The following SH3GLB1 variants were observed in gnomAD, a reference collection of about 807,000 sequenced individuals.
SH3GLB1 encodes the protein SH3 domain containing GRB2 like, endophilin B1, also known as endophilin-B1.
Under a neutral mutation model 42.0 loss-of-function variants are expected in SH3GLB1, and 17 were observed. The ratio of observed to expected loss-of-function variants is 0.40; its 90% CI spans 0.28 to 0.61. SH3GLB1 has a LOEUF of 0.61. Among genes scored for constraint, SH3GLB1 ranks in the 20% least tolerant of loss-of-function variants. The probability of loss-of-function intolerance (pLI) is 0.36; values close to 1 mark genes in which losing one functional copy is unlikely to be tolerated. For missense variants in SH3GLB1, 355 were observed against 426.3 expected (o/e 0.83, Z 1.47); for synonymous variants, 132 against 146.6 (o/e 0.90, Z 0.72).
intron 4 of SH3GLB1, among the ~76,000 whole-genome samples, chr1:86,723,509 A>G (rs1174366464): frequency 6.6e-6 from 1 of 152,138 alleles, no homozygotes. Context: ...GTGAGACTCC[A>G]TCTCAAAAAA....
In SH3GLB1 at chr1:86,704,988, G is replaced by A. The variant is rs1653742612; in HGVS notation, c.72+17G>A. On this transcript the variant is annotated intron_variant, in intron 1 of 8. Coordinates refer to ENST00000370558, the MANE Select transcript of SH3GLB1 (RefSeq NM_016009.5). ...GCCGTGCAGGTACCCTGGTGCTGGG[G>A]GGAAAAGGGGTGGCGGCGCCCGGGA... 6 of 1,547,494 alleles carry A rather than the reference G, an allele frequency of 3.9e-6. No homozygotes were observed. The highest frequency in any genetic ancestry group is 5.2e-6 in the Non-Finnish European group (6 of 1,143,806).
intron 2 of SH3GLB1, among the ~76,000 whole-genome samples, chr1:86,717,262 T>TC (rs1231724934): frequency 2.6e-5 from 4 of 152,224 alleles, no homozygotes; most frequent in Non-Finnish European, 5.9e-5. Context: ...TAGACATTTT[T>TC]CCCCTTGTTC....
intron 7 of SH3GLB1, among the ~76,000 whole-genome samples, chr1:86,739,681 A>G (rs1655963347): frequency 6.6e-6 from 1 of 151,954 alleles, no homozygotes; most frequent in African/African-American, 2.4e-5. Context: ...AAGATAGGAG[A>G]AATAAGGGCA....
At chr1:86,724,909 A>C (rs1343859799) in intron 5 of SH3GLB1, among the ~76,000 whole-genome samples, 1 of 136,962 alleles carries the variant, frequency 7.3e-6, no homozygotes, top group Non-Finnish European at 1.5e-5. Flanking sequence ...ATATATATAT[A>C]TATAAAATAT....
At chr1:86,731,938 G>A (rs552177178) in intron 5 of SH3GLB1, among the ~76,000 whole-genome samples, 2 of 152,050 alleles carry the variant, frequency 1.3e-5, no homozygotes, top group Non-Finnish European at 2.9e-5. Context: ...AATTAGCCAG[G>A]CATGGTGTCC....
At chr1:86,735,053 G>T in intron 6 of SH3GLB1, 26 bp from the exon 7 acceptor site, 1 of 1,566,908 alleles carries the variant, frequency 6.4e-7, no homozygotes, top group South Asian at 1.1e-5. Flanking sequence ...ATACAGCTAA[G>T]AACTAACTAT....
intron 1 of SH3GLB1, among the ~76,000 whole-genome samples, chr1:86,714,083 G>A (rs982051758): frequency 7.2e-5 from 11 of 152,158 alleles, no homozygotes; most frequent in Non-Finnish European, 1.6e-4. Flanking sequence ...TTTTTAAGGG[G>A]CTAAGTGAAT....
At chr1:86,723,121 A>G (rs1654960666) in intron 4 of SH3GLB1, among the ~76,000 whole-genome samples, 1 of 152,212 alleles carries the variant, frequency 6.6e-6, no homozygotes. Context: ...ATTACAATAT[A>G]TTATAGAAAC....
At chr1:86,714,061 A>G (rs545222540) in intron 1 of SH3GLB1, among the ~76,000 whole-genome samples, 41 of 152,232 alleles carry the variant, frequency 2.7e-4, no homozygotes, top group Non-Finnish European at 4.9e-4. Flanking sequence ...AAATTTATGC[A>G]TGCAGTTTCA....
intron 1 of SH3GLB1, among the ~76,000 whole-genome samples, chr1:86,713,871 T>G (rs1440002009): frequency 1.3e-5 from 2 of 152,260 alleles, no homozygotes; most frequent in East Asian, 3.8e-4. Context: ...TATTTATCTA[T>G]TGTCTGTCTT....
chr1:86,727,368 A>G (rs1401845495), intron 5 of SH3GLB1, among the ~76,000 whole-genome samples: 1 of 152,042 alleles, frequency 6.6e-6, no homozygotes, highest in Non-Finnish European at 1.5e-5. Context: ...TTTGAAAAAT[A>G]GATTGTGTAT....
At chr1:86,717,351 C>A (rs996662880) in intron 2 of SH3GLB1, among the ~76,000 whole-genome samples, 8 of 152,202 alleles carry the variant, frequency 5.3e-5, no homozygotes, top group Non-Finnish European at 8.8e-5. Context: ...TCCTCCTGCC[C>A]CTGTTTTGTG....
chr1:86,711,398 G>T (rs888104905), intron 1 of SH3GLB1, among the ~76,000 whole-genome samples: 2 of 151,512 alleles, frequency 1.3e-5, no homozygotes, highest in African/African-American at 2.4e-5. Flanking sequence ...ATATAAAAGG[G>T]GATTAAACTT....
chr1:86,719,720 G>A, intron 3 of SH3GLB1, 85 bp downstream of exon 3: 1 of 1,405,294 alleles, frequency 7.1e-7, no homozygotes, highest in Non-Finnish European at 9.7e-7. Flanking sequence ...AGTAGGCCGG[G>A]TGCAGTGGCT....
At chr1:86,718,619 A>G (rs1000167237) in intron 2 of SH3GLB1, among the ~76,000 whole-genome samples, 4 of 152,176 alleles carry the variant, frequency 2.6e-5, no homozygotes, top group Non-Finnish European at 4.4e-5. Flanking sequence ...GTAGGAATCT[A>G]TGTGAGGTAC....
At chr1:86,719,848 T>C (rs932277991) in intron 3 of SH3GLB1, among the ~76,000 whole-genome samples, 4 of 151,746 alleles carry the variant, frequency 2.6e-5, no homozygotes, top group African/African-American at 7.3e-5. Context: ...AACAAAAAAT[T>C]AGCTGGGTGT....
In SH3GLB1 at chr1:86,719,496, C is replaced by A. The variant is rs767586951; in HGVS notation, c.215-11C>A. On this transcript the variant is annotated splice_polypyrimidine_tract_variant and intron_variant, in intron 2 of 8. Coordinates refer to ENST00000370558, the MANE Select transcript of SH3GLB1 (RefSeq NM_016009.5). Reference sequence around the variant, plus strand: ...TTTAGAAATCATTGGTAATTTTAACCTTTCTCCTAGATGCCAGGATAGAAG... The same window carrying A: ...TTTAGAAATCATTGGTAATTTTAACATTTCTCCTAGATGCCAGGATAGAAG... The A allele has an allele frequency of 6.3e-7, 1 of 1,591,226 alleles. No homozygotes were observed. Among genetic ancestry groups the A allele is most frequent in the East Asian group, 2.3e-5 (1 of 43,996 alleles).
Position 86,715,840 on chromosome 1 carries a change from T to C in SH3GLB1, c.189T>C (p.Thr63=). ...KIWTEKIMKQ[T]EVLLQPNPNA... is the part of the protein sequence containing the mutation. ...GGACAGAAAAAATAATGAAACAAAC[T>C]GAAGTGTTATTGCAGCCAAATCCAA... The change falls in exon 2 of 9, where the codon ACT becomes ACC. Residue 63 remains threonine, a synonymous_variant. Transcript: ENST00000370558. 2.5e-6 allele frequency: 4 copies of C among 1,611,768 alleles called. No homozygotes were observed. Among genetic ancestry groups the C allele is most frequent in the Non-Finnish European group, 3.4e-6 (4 of 1,179,504 alleles).
chr1:86,722,069 C>A (rs1654894467), intron 3 of SH3GLB1, among the ~76,000 whole-genome samples: 1 of 141,836 alleles, frequency 7.1e-6, no homozygotes, highest in Non-Finnish European at 1.5e-5. Context: ...CCAGGCTGGC[C>A]TTAAACTCCT....
Sources: gnomAD v4.1 joint callset for allele counts (sites outside exome capture counted in the v4.1 genomes callset) on GRCh38, gnomAD v4.1.1 for gene constraint, MANE v1.5 for transcripts, NCBI Gene and HGNC (gene_info 2026-07-23, HGNC 2026-07-21) for gene names.